SHLD1: variants seen among roughly 807,000 people sequenced by gnomAD.
SHLD1 encodes the protein shieldin complex subunit 1.
A neutral mutation model predicts 5.5 loss-of-function variants in SHLD1; 3 were observed. That is an observed-to-expected ratio of 0.54 (90% confidence interval 0.25 to 1.40). The LOEUF is 1.40. Ranked by LOEUF, SHLD1 falls within the 40% of genes most tolerant of loss-of-function variation. SHLD1 has a pLI of 0.15. For missense variants in SHLD1, 210 were observed against 244.4 expected (o/e 0.86, Z 0.94); for synonymous variants, 92 against 94.3 (o/e 0.98, Z 0.14).
At chr20:5,827,784 G>A (rs1382237418) in intron 2 of SHLD1, among the ~76,000 whole-genome samples, 4 of 152,080 alleles carry the variant, frequency 2.6e-5, no homozygotes, top group South Asian at 2.1e-4. Flanking sequence ...CTTCCCTTAC[G>A]GCTGATTCGA....
chr20:5,791,566 A>G (rs1346503819), intron 2 of SHLD1, among the ~76,000 whole-genome samples: 30 of 148,836 alleles, frequency 2.0e-4, no homozygotes, highest in African/African-American at 7.1e-4. Context: ...CCTGTCTCAA[A>G]AAAAAAAAAA....
At chr20:5,851,329 T>A (rs538116100) in intron 2 of SHLD1, among the ~76,000 whole-genome samples, 2 of 152,088 alleles carry the variant, frequency 1.3e-5, no homozygotes, top group Non-Finnish European at 2.9e-5. Flanking sequence ...CTACAAAAAA[T>A]TTTTAAATAT....
intron 2 of SHLD1, among the ~76,000 whole-genome samples, chr20:5,858,930 C>G (rs1212272108): frequency 6.6e-6 from 1 of 152,160 alleles, no homozygotes; most frequent in Non-Finnish European, 1.5e-5. Flanking sequence ...TGATATCAAG[C>G]CCTGCCCTCC....
chr20:5,829,164 T>A (rs1040272498), intron 2 of SHLD1, among the ~76,000 whole-genome samples: 1 of 152,130 alleles, frequency 6.6e-6, no homozygotes, highest in Non-Finnish European at 1.5e-5. Flanking sequence ...GTGTGAGCCA[T>A]CATGCCCAGC....
chr20:5,787,794 A>G (rs892323630), intron 2 of SHLD1, among the ~76,000 whole-genome samples: 1 of 152,244 alleles, frequency 6.6e-6, no homozygotes, highest in African/African-American at 2.4e-5. Flanking sequence ...ATCCATTTGT[A>G]AAATTATCAT....
intron 1 of SHLD1, among the ~76,000 whole-genome samples, chr20:5,764,133 A>ATATATAT (rs1374831062): frequency 4.6e-5 from 4 of 87,346 alleles, no homozygotes; most frequent in African/African-American, 2.2e-4. Context: ...TCTCAAAAAA[A>ATATATAT]AAAAAAATAT....
At chr20:5,860,594 T>G (rs1032397868) in intron 2 of SHLD1, among the ~76,000 whole-genome samples, 2 of 152,048 alleles carry the variant, frequency 1.3e-5, no homozygotes, top group East Asian at 3.9e-4. Flanking sequence ...TAAAAAAAGT[T>G]TTTTTTTGCA....
chr20:5,817,430 C>CTGTGTGTGTGTGTGTGTGTG (rs1348723186), intron 2 of SHLD1, among the ~76,000 whole-genome samples: 2 of 99,514 alleles, frequency 2.0e-5, no homozygotes, highest in South Asian at 3.2e-4. Flanking sequence ...CTCTCTCTCT[C>CTGTGTGTGTGTGTGTGTGTG]TCTGTGTGTG....
At chr20:5,796,086 C>T (rs1196545952) in intron 2 of SHLD1, among the ~76,000 whole-genome samples, 1 of 151,900 alleles carries the variant, frequency 6.6e-6, no homozygotes, top group Non-Finnish European at 1.5e-5. Flanking sequence ...TAAAGATTAG[C>T]TGTTGAAGCT....
chr20:5,841,840 TTGTC>T (rs370086290), intron 2 of SHLD1, among the ~76,000 whole-genome samples: 8 of 152,336 alleles, frequency 5.3e-5, no homozygotes, highest in South Asian at 2.1e-4. Flanking sequence ...ATAGATATCT[TTGTC>T]TGTGGGCCAA....
intron 2 of SHLD1, among the ~76,000 whole-genome samples, chr20:5,809,660 T>A (rs1268144276): frequency 6.6e-6 from 1 of 152,064 alleles, no homozygotes; most frequent in Non-Finnish European, 1.5e-5. Flanking sequence ...TCTACACCAT[T>A]GGTTCTCAAC....
chr20:5,807,434 G>A (rs116452385), intron 2 of SHLD1, among the ~76,000 whole-genome samples: 215 of 147,580 alleles, frequency 1.5e-3, no homozygotes, highest in African/African-American at 4.9e-3. Context: ...TTGATAATGC[G>A]ATCATATCTC....
chr20:5,856,930 C>A (rs756894433), intron 2 of SHLD1, among the ~76,000 whole-genome samples: 1 of 152,166 alleles, frequency 6.6e-6, no homozygotes. Context: ...TTCCCATTTG[C>A]AATTTAATTT....
intron 2 of SHLD1, among the ~76,000 whole-genome samples, chr20:5,802,931 G>A (rs937247691): frequency 1.3e-5 from 2 of 152,286 alleles, no homozygotes; most frequent in East Asian, 3.9e-4. Context: ...ATCACTCACT[G>A]CAGGGCCAGG....
chr20:5,759,017 C>T (rs1034793873), intron 1 of SHLD1, among the ~76,000 whole-genome samples: 15 of 147,186 alleles, frequency 1.0e-4, no homozygotes, highest in Admixed American at 4.9e-4. Context: ...TGCAATGGCG[C>T]GATCTCTGCT....
At chr20:5,814,807 C>T (rs745369273) in intron 2 of SHLD1, among the ~76,000 whole-genome samples, 23 of 151,818 alleles carry the variant, frequency 1.5e-4, no homozygotes, top group African/African-American at 5.6e-4. Context: ...GTACCACAGG[C>T]GCATGCCACC....
intron 1 of SHLD1, chr20:5,771,965 C>T (rs537769799): frequency 5.6e-5 from 24 of 427,954 alleles, no homozygotes; most frequent in Non-Finnish European, 8.2e-5. Context: ...ACCTCCGCTT[C>T]GCAAGTTCAA....
chr20:5,770,662 C>T (rs918319078), intron 1 of SHLD1, among the ~76,000 whole-genome samples: 1 of 152,182 alleles, frequency 6.6e-6, no homozygotes, highest in Non-Finnish European at 1.5e-5. Context: ...TCATCCATTG[C>T]AACTTGATGA....
At chr20:5,800,271 T>C (rs1219712643) in intron 2 of SHLD1, among the ~76,000 whole-genome samples, 1 of 152,266 alleles carries the variant, frequency 6.6e-6, no homozygotes. Context: ...AGTACATTGC[T>C]TTTTATACTC....
Sources: gnomAD v4.1 joint callset for allele counts (sites outside exome capture counted in the v4.1 genomes callset) on GRCh38, gnomAD v4.1.1 for gene constraint, MANE v1.5 for transcripts, NCBI Gene and HGNC (gene_info 2026-07-23, HGNC 2026-07-21) for gene names.